CFAP47: variants seen among roughly 807,000 people sequenced by gnomAD.
CFAP47 encodes the protein cilia and flagella associated protein 47.
CFAP47 carries 29 observed loss-of-function variants against 148.1 expected under a neutral mutation model. That is an observed-to-expected ratio of 0.20 (90% CI 0.15 to 0.27). CFAP47 has a LOEUF of 0.27. Among genes scored for constraint, CFAP47 ranks in the 10% least tolerant of loss-of-function variants. The pLI, the probability that CFAP47 is intolerant of heterozygous loss-of-function variation, is 1.00. For synonymous variants in CFAP47, 664 were observed against 577.3 expected, an observed-to-expected ratio of 1.15 and a Z score of -2.15; for missense variants, 1,872 against 1,697.5, an observed-to-expected ratio of 1.10 and a Z score of -1.81.
intron 45 of CFAP47, chrX:36,211,230 A>G: frequency 4.2e-6 from 1 of 235,692 alleles, no homozygotes; most frequent in Non-Finnish European, 8.1e-6. Flanking sequence ...TCAGTTTCTC[A>G]GAGTTTTCTA....
intron 18 of CFAP47, 144 bp from the exon 19 acceptor site, chrX:35,997,168 A>G (rs1039992571): frequency 4.1e-6 from 1 of 244,980 alleles, no homozygotes; most frequent in African/African-American, 2.9e-5. Context: ...ATGTGATGAC[A>G]ATTACCAGAA....
chrX:36,218,648 G>A lies in CFAP47; in HGVS notation c.6818-9980G>A, dbSNP rs782267630. On this transcript the variant is annotated intron_variant, in intron 45 of 63. Coordinates refer to ENST00000378653, the MANE Select transcript of CFAP47 (RefSeq NM_001304548.2). ...AAATATTTAAAGAGGTTTATTCTGA[G>A]CCAATATGAGTGACCATAGACAGGA... Among the ~76,000 whole-genome samples the A allele has an allele frequency of 3.5e-4, 39 of 111,982 alleles. 1 individual carries two copies. Among genetic ancestry groups the A allele is most frequent in the Middle Eastern group, 9.3e-3 (2 of 215 alleles).
rs781922263 is a variant in CFAP47 at position 36,212,933 on chromosome X, C to T, written c.6817+7823C>T. 1.1e-3 allele frequency among the ~76,000 whole-genome samples: 120 copies of T among 110,239 alleles called. No homozygotes were observed. The South Asian group carries it at 0.03, about 27-fold the overall frequency. ...TTCGAGACCAGCCTGGCCAACATGG[C>T]GAAACCCCATCTCTACTGAAAACAT... On this transcript the variant is annotated intron_variant, in intron 45 of 63. Coordinates refer to ENST00000378653, the MANE Select transcript of CFAP47 (RefSeq NM_001304548.2).
At chrX:36,138,725 A>T (rs978243198) in intron 35 of CFAP47, among the ~76,000 whole-genome samples, 2 of 111,373 alleles carry the variant, frequency 1.8e-5, no homozygotes, top group African/African-American at 6.5e-5. Flanking sequence ...CCAAAAATAA[A>T]CATTGAGTGA....
chrX:36,205,828 A>G (rs1158582295), intron 45 of CFAP47, among the ~76,000 whole-genome samples: 2 of 112,253 alleles, frequency 1.8e-5, no homozygotes, highest in Admixed American at 1.9e-4. Flanking sequence ...TATTCCTAGA[A>G]TGTTCCACAA....
intron 25 of CFAP47, among the ~76,000 whole-genome samples, chrX:36,045,310 A>G (rs1937451725): frequency 1.8e-5 from 2 of 110,749 alleles, no homozygotes; most frequent in African/African-American, 6.6e-5. Flanking sequence ...TTGGTGTTCT[A>G]CTCCGCTGTG....
intron 15 of CFAP47, among the ~76,000 whole-genome samples, chrX:35,979,508 C>G (rs1452685491): frequency 9.1e-6 from 1 of 109,898 alleles, no homozygotes; most frequent in Non-Finnish European, 1.9e-5. Flanking sequence ...CCAGTCCCAG[C>G]CTTGCTCAAT....
At chrX:36,126,466 T>C (rs963014103) in intron 33 of CFAP47, among the ~76,000 whole-genome samples, 1 of 112,081 alleles carries the variant, frequency 8.9e-6, no homozygotes, top group East Asian at 2.8e-4. Context: ...CATATGTATA[T>C]GTGCCACATT....
intron 22 of CFAP47, among the ~76,000 whole-genome samples, chrX:36,017,681 A>G (rs1259759159): frequency 9.0e-6 from 1 of 111,420 alleles, no homozygotes; most frequent in Non-Finnish European, 1.9e-5. Context: ...TTTGTTGAAA[A>G]TGAGTTCACA....
At chrX:36,284,583 C>T (rs376171679) in intron 50 of CFAP47, among the ~76,000 whole-genome samples, 4 of 111,173 alleles carry the variant, frequency 3.6e-5, no homozygotes, top group East Asian at 5.6e-4. Flanking sequence ...CAACACAATA[C>T]GATGCTATTC....
At chrX:36,251,522 C>T in intron 49 of CFAP47, 78 bp downstream of exon 49, 1 of 390,787 alleles carries the variant, frequency 2.6e-6, no homozygotes, top group Non-Finnish European at 4.4e-6. Context: ...AATAGAAATG[C>T]AATTTGTATT....
intron 49 of CFAP47, among the ~76,000 whole-genome samples, chrX:36,254,426 A>T (rs1555998675): frequency 9.0e-6 from 1 of 111,176 alleles, no homozygotes; most frequent in Non-Finnish European, 1.9e-5. Context: ...ACTGGGAGCC[A>T]TTGAAGATTG....
chrX:36,241,237 A>G (rs1555995964), intron 48 of CFAP47, among the ~76,000 whole-genome samples: 1 of 111,918 alleles, frequency 8.9e-6, no homozygotes, highest in African/African-American at 3.2e-5. Flanking sequence ...ATGTTTTCAG[A>G]AAGTAGGCAG....
At chrX:36,371,760 G>GTGTGTATATGTGTGTATATACACACA (rs1941953903) in intron 62 of CFAP47, among the ~76,000 whole-genome samples, 1 of 55,087 alleles carries the variant, frequency 1.8e-5, no homozygotes, top group Non-Finnish European at 3.0e-5. Flanking sequence ...ATACACACAT[G>GTGTGTATATGTGTGTATATACACACA]TGTGTATATA....
intron 33 of CFAP47, among the ~76,000 whole-genome samples, chrX:36,132,077 CAATT>C (rs1938958416): frequency 9.0e-6 from 1 of 110,819 alleles, no homozygotes; most frequent in African/African-American, 3.3e-5. Context: ...ATTCATGTGA[CAATT>C]ATTATATTCA....
intron 22 of CFAP47, among the ~76,000 whole-genome samples, chrX:36,026,525 T>G (rs1458452371): frequency 9.0e-6 from 1 of 111,477 alleles, no homozygotes; most frequent in Non-Finnish European, 1.9e-5. Context: ...ATTAGATCAG[T>G]TTGAATGACA....
intron 33 of CFAP47, among the ~76,000 whole-genome samples, chrX:36,108,567 C>T (rs1378033089): frequency 8.9e-6 from 1 of 111,808 alleles, no homozygotes; most frequent in Non-Finnish European, 1.9e-5. Context: ...ATGTCACCCT[C>T]TCATATTTAC....
chrX:36,163,678 C>T (rs1199672636), intron 39 of CFAP47, among the ~76,000 whole-genome samples: 1 of 111,227 alleles, frequency 9.0e-6, no homozygotes, highest in Non-Finnish European at 1.9e-5. Context: ...GGCGTGATCT[C>T]GGCTCACTGC....
At chrX:36,305,319 A>C (rs1368364846) in intron 54 of CFAP47, among the ~76,000 whole-genome samples, 1 of 111,829 alleles carries the variant, frequency 8.9e-6, no homozygotes, top group Non-Finnish European at 1.9e-5. Flanking sequence ...TATAATTTAT[A>C]TATTACTGAA....
Sources: gnomAD v4.1 joint callset for allele counts (sites outside exome capture counted in the v4.1 genomes callset) on GRCh38, gnomAD v4.1.1 for gene constraint, MANE v1.5 for transcripts, NCBI Gene and HGNC (gene_info 2026-07-23, HGNC 2026-07-21) for gene names.